Variants in RYR3 observed in about 807,000 individuals in gnomAD.
RYR3 encodes ryanodine receptor 3.
In RYR3, 207 loss-of-function variants were observed where a neutral mutation model predicts 584.3. The observed-to-expected ratio is 0.35, with a 90% CI of 0.32 to 0.40. The LOEUF (loss-of-function observed/expected upper bound fraction) is 0.40, where lower values mean the gene tolerates loss of function less well. Ranked by LOEUF, RYR3 falls within the 10% of genes least tolerant of loss-of-function variation. RYR3 has a pLI of 1.00. For synonymous variants in RYR3, 2,416 were observed against 2,248.5 expected (o/e 1.07, Z -2.11); for missense variants, 5,616 against 6,089.2 (o/e 0.92, Z 2.59).
chr15:33,323,359 C>T (rs1055292305), intron 1 of RYR3, among the ~76,000 whole-genome samples: 3 of 152,210 alleles, frequency 2.0e-5, no homozygotes, highest in African/African-American at 2.4e-5. Flanking sequence ...CCGCCTGCCC[C>T]GGCCTCCCAA....
chr15:33,710,243 T>C (rs2067003393), intron 43 of RYR3, among the ~76,000 whole-genome samples: 1 of 151,986 alleles, frequency 6.6e-6, no homozygotes, highest in Admixed American at 6.5e-5. Flanking sequence ...CTCAGGGAGC[T>C]TCCGATCATG....
chr15:33,799,887 C>T (rs1013682485), intron 67 of RYR3, among the ~76,000 whole-genome samples: 7 of 152,176 alleles, frequency 4.6e-5, no homozygotes, highest in African/African-American at 1.4e-4. Context: ...GTGAGAAAAA[C>T]CCCACATTTG....
In RYR3 at chr15:33,785,936, CA is replaced by C; in HGVS notation, c.9545del (p.Asn3182ThrfsTer11). 1 of 1,608,650 alleles carries C rather than the reference CA, an allele frequency of 6.2e-7. No individual in the cohort carries two copies. Among genetic ancestry groups the C allele is most frequent in the Non-Finnish European group, 8.5e-7 (1 of 1,176,474 alleles). ...ILGNILKIIN[N>X]NLGIDEASWM... ...TGGGCAACATTCTGAAAATCATCAACAACAACCTGGGCATCGATGAGGCCTC... is the reference window on the plus strand; with the variant it reads ...TGGGCAACATTCTGAAAATCATCAACACAACCTGGGCATCGATGAGGCCTC... On this transcript the variant is annotated frameshift_variant, in exon 66 of 104. Coordinates refer to ENST00000634891, the MANE Select transcript of RYR3 (RefSeq NM_001036.6). LOFTEE classifies it high-confidence loss of function.
rs2077947110 is a variant in RYR3 at position 33,834,995 on chromosome 15, C to T, written c.11491C>T (p.Leu3831=). 1 of 1,613,994 alleles carries T rather than the reference C, an allele frequency of 6.2e-7. No homozygotes were observed. The highest frequency in any genetic ancestry group is 8.5e-7 in the Non-Finnish European group (1 of 1,179,872). Residue 3831 remains leucine, a synonymous_variant, in exon 87 of 104, where the codon CTG becomes TTG. Transcript: ENST00000634891. ...CCCTTGCATTGGTAATCAACAGAGC[C>T]TGGCTCACAGCAGGCTGTGGGACGC... is the stretch of plus-strand genomic sequence containing the variant. ...QGPCIGNQQS[L]AHSRLWDAVV... is the part of the protein sequence containing the mutation.
chr15:33,634,953 A>AT (rs1279550327), intron 25 of RYR3, among the ~76,000 whole-genome samples: 3 of 152,194 alleles, frequency 2.0e-5, no homozygotes, highest in Non-Finnish European at 4.4e-5. Flanking sequence ...GAACACTTCT[A>AT]TGACTTATTC....
intron 3 of RYR3, among the ~76,000 whole-genome samples, chr15:33,521,584 T>C (rs1041043751): frequency 6.6e-6 from 1 of 152,004 alleles, no homozygotes; most frequent in African/African-American, 2.4e-5. Flanking sequence ...AGTTTATGTA[T>C]TTAAAAAATC....
At chr15:33,359,873 G>T (rs534565981) in intron 1 of RYR3, among the ~76,000 whole-genome samples, 3 of 151,866 alleles carry the variant, frequency 2.0e-5, no homozygotes, top group African/African-American at 4.8e-5. Flanking sequence ...CGTCCGCCTC[G>T]GTCTCCCAAA....
chr15:33,703,721 C>A (rs574182249), intron 42 of RYR3, among the ~76,000 whole-genome samples: 2 of 152,178 alleles, frequency 1.3e-5, no homozygotes, highest in East Asian at 1.9e-4. Flanking sequence ...TTATTTTGTT[C>A]TTTAAAGTAT....
At chr15:33,372,356 TA>T (rs2040395811) in intron 1 of RYR3, among the ~76,000 whole-genome samples, 1 of 135,634 alleles carries the variant, frequency 7.4e-6, no homozygotes, top group Non-Finnish European at 1.6e-5. Flanking sequence ...CATGCCCGGC[TA>T]ATTTTTTTTT....
Position 33,784,348 on chromosome 15 carries a change from A to T in RYR3, c.9269-1314A>T, listed in dbSNP as rs375607323. 1.2e-3 allele frequency among the ~76,000 whole-genome samples: 184 copies of T among 152,344 alleles called. 7 individuals are homozygous for T. The South Asian group carries it at 0.037, about 31-fold the overall frequency. On this transcript the variant is annotated intron_variant, in intron 65 of 103. Coordinates refer to ENST00000634891, the MANE Select transcript of RYR3 (RefSeq NM_001036.6). ...AATTCCAATGGATATAAAATCTGAA[A>T]ATCTAGAGAAGAAAGACCTCAAGCC...
chr15:33,627,004 G>A (rs996428546), intron 20 of RYR3, among the ~76,000 whole-genome samples: 2 of 152,126 alleles, frequency 1.3e-5, no homozygotes, highest in South Asian at 4.1e-4. Flanking sequence ...CTGGGACACT[G>A]CCTAGTGGAG....
Position 33,844,941 on chromosome 15 carries a change from A to C in RYR3, c.13376A>C (p.Glu4459Ala), listed in dbSNP as rs767228143. The change falls in exon 93 of 104, where the codon GAA becomes GCA. Residue 4459 changes from glutamate to alanine, a missense_variant. Coordinates refer to ENST00000634891, the MANE Select transcript of RYR3 (RefSeq NM_001036.6). Reference protein sequence around the residue: ...WNSFNDEEEEEAMVFFVLQES... With the variant: ...WNSFNDEEEEAAMVFFVLQES... Reference sequence around the variant, plus strand: ...TCCTTTAATGACGAGGAAGAGGAAGAAGCGATGGTATTCTTTGTCCTTCAG... The same window carrying C: ...TCCTTTAATGACGAGGAAGAGGAAGCAGCGATGGTATTCTTTGTCCTTCAG... 3 of 1,614,032 alleles carry C rather than the reference A, an allele frequency of 1.9e-6. No homozygotes were observed. The South Asian group carries it at 3.3e-5, about 18-fold the overall frequency.
intron 67 of RYR3, among the ~76,000 whole-genome samples, chr15:33,789,649 TATATATATA>T (rs1192076117): frequency 2.4e-4 from 7 of 29,484 alleles, no homozygotes; most frequent in Non-Finnish European, 3.3e-4. Context: ...TATATATATA[TATATATATA>T]TTTTTTTTTT....
chr15:33,683,987 C>T (rs2064816640), intron 38 of RYR3, among the ~76,000 whole-genome samples: 2 of 152,258 alleles, frequency 1.3e-5, no homozygotes, highest in African/African-American at 2.4e-5. Flanking sequence ...CCAGGAAGCT[C>T]GAACTGGGCA....
intron 1 of RYR3, among the ~76,000 whole-genome samples, chr15:33,375,130 ATAAATTGCAAAAT>A (rs2040629496): frequency 6.6e-6 from 1 of 152,204 alleles, no homozygotes; most frequent in East Asian, 1.9e-4. Flanking sequence ...CTAACTAAGG[ATAAATTGCAAAAT>A]TTCTCTGAAT....
chr15:33,579,892 C>G, intron 12 of RYR3, 84 bp from the exon 13 acceptor site: 1 of 1,036,998 alleles, frequency 9.6e-7, no homozygotes, highest in Middle Eastern at 2.3e-4. Context: ...CCGTGGGGGG[C>G]TGTTAGGAGT....
In RYR3 at chr15:33,635,562, A is replaced by G. The variant is rs192272856; in HGVS notation, c.3176-52A>G. 284 of 1,396,642 alleles carry G rather than the reference A, an allele frequency of 2.0e-4. 1 individual carries two copies. The African/African-American group carries it at 3.2e-3, about 16-fold the overall frequency. The allele number at this position is 1,396,642 out of a possible 1,614,324, so 86.5% of individuals were successfully genotyped here. The stretch of plus-strand genomic sequence containing the variant: ...AGTGCTACCTAATTATTGAAGGTCT[A>G]CGTTCTCTCTTTCCCTTCCACACCC... On this transcript the variant is annotated intron_variant, in intron 25 of 103. Coordinates refer to ENST00000634891, the MANE Select transcript of RYR3 (RefSeq NM_001036.6).
At chr15:33,794,434 T>G (rs2075463175) in intron 67 of RYR3, among the ~76,000 whole-genome samples, 1 of 149,490 alleles carries the variant, frequency 6.7e-6, no homozygotes, top group Admixed American at 6.7e-5. Context: ...CCTGCTTTTT[T>G]GAGGGTCATC....
At chr15:33,542,451 T>G (rs1005060764) in intron 7 of RYR3, among the ~76,000 whole-genome samples, 4 of 152,148 alleles carry the variant, frequency 2.6e-5, no homozygotes, top group African/African-American at 9.7e-5. Context: ...CCCTATAATA[T>G]ATCATGAATC....
Sources: allele counts gnomAD v4.1 joint callset (sites outside exome capture counted in the v4.1 genomes callset), GRCh38; gene constraint gnomAD v4.1.1; transcripts MANE v1.5; gene names NCBI Gene and HGNC (gene_info 2026-07-23, HGNC 2026-07-21).